Variants in PDE1A observed in about 807,000 individuals in gnomAD.
PDE1A encodes phosphodiesterase 1A, also known as dual specificity calcium/calmodulin-dependent 3',5'-cyclic nucleotide phosphodiesterase 1A.
PDE1A carries 35 observed loss-of-function variants against 61.7 expected under a neutral mutation model. That is an observed-to-expected ratio of 0.57 (90% confidence interval 0.43 to 0.75). The LOEUF (loss-of-function observed/expected upper bound fraction) is 0.75, where lower values mean the gene tolerates loss of function less well. PDE1A is among the 30% of genes least tolerant of loss of function. The probability of loss-of-function intolerance (pLI) is 0.00; values close to 1 mark genes in which losing one functional copy is unlikely to be tolerated. For synonymous variants in PDE1A, 232 were observed against 213.2 expected, an observed-to-expected ratio of 1.09 and a Z score of -0.77; for missense variants, 597 against 630.6, an observed-to-expected ratio of 0.95 and a Z score of 0.57.
chr2:182,655,359 C>A, the PDE1A span, among the ~76,000 whole-genome samples: 1 of 152,180 alleles, frequency 6.6e-6, no homozygotes, highest in Non-Finnish European at 1.5e-5. Context: ...CAGGTGTTTT[C>A]ACTAGGATGT....
intron 1 of PDE1A, among the ~76,000 whole-genome samples, chr2:182,395,062 T>C (rs779366125): frequency 6.6e-6 from 1 of 152,218 alleles, no homozygotes; most frequent in Non-Finnish European, 1.5e-5. Flanking sequence ...ACTCCAGCTG[T>C]AGCTGCTGTA....
chr2:182,373,161 C>T (rs572958633), intron 1 of PDE1A, among the ~76,000 whole-genome samples: 1 of 152,264 alleles, frequency 6.6e-6, no homozygotes, highest in South Asian at 2.1e-4. Flanking sequence ...AGTCAGGCAT[C>T]CTGAATCTTG....
intron 1 of PDE1A, among the ~76,000 whole-genome samples, chr2:182,418,829 C>T (rs573475677): frequency 3.9e-5 from 6 of 152,072 alleles, no homozygotes; most frequent in East Asian, 1.9e-4. Context: ...CCTCTTAAGC[C>T]GGCCCACAGA....
At chr2:182,306,933 GC>G (rs1695627698) in intron 1 of PDE1A, among the ~76,000 whole-genome samples, 1 of 152,028 alleles carries the variant, frequency 6.6e-6, no homozygotes, top group Non-Finnish European at 1.5e-5. Flanking sequence ...TGCAACAAAA[GC>G]AAAAGTAGAT....
the PDE1A span, among the ~76,000 whole-genome samples, chr2:182,626,706 A>G: frequency 0.56 from 38,833 of 69,040 alleles, 13,219 homozygotes; most frequent in Admixed American, 0.66. Context: ...AAGATCAAAG[A>G]ACAAATGGCT....
the PDE1A span, among the ~76,000 whole-genome samples, chr2:182,528,722 T>C: frequency 6.6e-6 from 1 of 152,180 alleles, no homozygotes; most frequent in African/African-American, 2.4e-5. Flanking sequence ...AAGGCTCCCG[T>C]GCTGTGTACA....
the PDE1A span, among the ~76,000 whole-genome samples, chr2:182,665,069 C>T: frequency 9.2e-5 from 14 of 152,166 alleles, no homozygotes; most frequent in South Asian, 1.4e-3. Flanking sequence ...TTTCTCCAAA[C>T]GGTTTTGCTA....
the PDE1A span, among the ~76,000 whole-genome samples, chr2:182,592,620 T>C: frequency 6.6e-6 from 1 of 152,210 alleles, no homozygotes; most frequent in Non-Finnish European, 1.5e-5. Context: ...TGGAGATGTT[T>C]TCTGCATACA....
At position 182,252,352 on chromosome 2, in the gene PDE1A, C is replaced by T. The variant is rs377746790; in HGVS notation, c.167+11949G>A. ...CAATTTAAAAAGTATTTTCTGTGAT[C>T]CTGTAACTCTTTGTATATATGGTCA... On this transcript the variant is annotated intron_variant, in intron 2 of 13. Transcript: ENST00000351439. 2.0e-5 allele frequency among the ~76,000 whole-genome samples: 3 copies of T among 152,144 alleles called. No individual in the cohort carries two copies. The South Asian group carries it at 6.2e-4, about 32-fold the overall frequency.
At chr2:182,176,862 C>T (rs1187006425) in intron 13 of PDE1A, among the ~76,000 whole-genome samples, 2 of 150,534 alleles carry the variant, frequency 1.3e-5, no homozygotes, top group East Asian at 1.9e-4. Flanking sequence ...TACGTCCCAT[C>T]AATACCTAAT....
At chr2:182,343,380 A>T (rs181201340) in intron 1 of PDE1A, among the ~76,000 whole-genome samples, 1 of 152,224 alleles carries the variant, frequency 6.6e-6, no homozygotes, top group African/African-American at 2.4e-5. Context: ...ACCACTTCAC[A>T]GTACATATAC....
the PDE1A span, among the ~76,000 whole-genome samples, chr2:182,694,543 A>C: frequency 6.6e-6 from 1 of 152,238 alleles, no homozygotes; most frequent in Non-Finnish European, 1.5e-5. Flanking sequence ...GAAGACATGT[A>C]GGAATACAAG....
At chr2:182,319,220 G>A (rs1696548525) in intron 1 of PDE1A, among the ~76,000 whole-genome samples, 1 of 152,094 alleles carries the variant, frequency 6.6e-6, no homozygotes. Context: ...ACAGAGTTAG[G>A]AGAAAAACTA....
At chr2:182,226,991 T>G (rs1689194138) in intron 6 of PDE1A, among the ~76,000 whole-genome samples, 1 of 152,020 alleles carries the variant, frequency 6.6e-6, no homozygotes, top group Admixed American at 6.6e-5. Flanking sequence ...GGTAAATATT[T>G]TTATGCCTAT....
chr2:182,712,185 A>G, the PDE1A span, among the ~76,000 whole-genome samples: 2 of 152,256 alleles, frequency 1.3e-5, no homozygotes, highest in African/African-American at 4.8e-5. Context: ...ATTCTTCACA[A>G]GTGTCAAAGT....
chr2:182,618,469 AAG>A, the PDE1A span, among the ~76,000 whole-genome samples: 2 of 152,108 alleles, frequency 1.3e-5, no homozygotes, highest in Non-Finnish European at 2.9e-5. Flanking sequence ...GAGGAAGTAA[AAG>A]AGTTTGACAA....
intron 2 of PDE1A, among the ~76,000 whole-genome samples, chr2:182,518,549 G>C (rs922939410): frequency 1.3e-5 from 2 of 152,126 alleles, no homozygotes; most frequent in African/African-American, 2.4e-5. Flanking sequence ...TCGGGATGGG[G>C]GAGATAAGGA....
At chr2:182,369,184 C>T (rs1424452832) in intron 1 of PDE1A, among the ~76,000 whole-genome samples, 1 of 152,156 alleles carries the variant, frequency 6.6e-6, no homozygotes, top group African/African-American at 2.4e-5. Context: ...TGCATTCTGT[C>T]TGTCTCTAGT....
the PDE1A span, among the ~76,000 whole-genome samples, chr2:182,557,905 T>C: frequency 2.2e-4 from 33 of 152,268 alleles, 1 homozygote; most frequent in African/African-American, 7.5e-4. Flanking sequence ...CTGGCAGCTA[T>C]AGCAATCATA....
Sources: gnomAD v4.1 joint callset for allele counts (sites outside exome capture counted in the v4.1 genomes callset) on GRCh38, gnomAD v4.1.1 for gene constraint, MANE v1.5 for transcripts, NCBI Gene and HGNC (gene_info 2026-07-23, HGNC 2026-07-21) for gene names.